WDR27: variants seen among roughly 807,000 people sequenced by gnomAD.
WDR27 encodes the protein WD repeat domain 27.
WDR27 carries 100 observed loss-of-function variants against 114.4 expected under a neutral mutation model. The observed-to-expected ratio is 0.87, with a 90% CI of 0.74 to 1.03. The LOEUF (loss-of-function observed/expected upper bound fraction) is 1.03. Ranked by LOEUF, WDR27 falls within the 50% of genes least tolerant of loss-of-function variation. The pLI is 0.00. For synonymous variants in WDR27, 449 were observed against 423.1 expected, an observed-to-expected ratio of 1.06 and a Z score of -0.75; for missense variants, 1,129 against 1,092.9, an observed-to-expected ratio of 1.03 and a Z score of -0.47.
At chr6:169,618,206 A>G (rs1398956551) in intron 21 of WDR27, among the ~76,000 whole-genome samples, 1 of 152,226 alleles carries the variant, frequency 6.6e-6, no homozygotes, top group Admixed American at 6.5e-5. Context: ...ATCTAGAATC[A>G]TATGTAATAA....
intron 25 of WDR27, among the ~76,000 whole-genome samples, chr6:169,541,505 G>A (rs1584085245): frequency 1.3e-5 from 2 of 152,234 alleles, no homozygotes; most frequent in Admixed American, 6.5e-5. Context: ...AACGTGTGCT[G>A]AGAATTGCAG....
At chr6:169,655,341 CAGA>C (rs1429658429) in intron 13 of WDR27, among the ~76,000 whole-genome samples, 1 of 152,252 alleles carries the variant, frequency 6.6e-6, no homozygotes, top group Non-Finnish European at 1.5e-5. Context: ...GCTGCCCGCA[CAGA>C]AGATCAGGGC....
Position 169,659,428 on chromosome 6 carries a change from G to T in WDR27, c.1197+23C>A, listed in dbSNP as rs1825313623. The T allele has an allele frequency of 6.2e-7, 1 of 1,603,262 alleles. No homozygotes were observed. Among genetic ancestry groups the T allele is most frequent in the African/African-American group, 1.3e-5 (1 of 74,748 alleles). The stretch of plus-strand genomic sequence containing the variant: ...ATCAGAGGCACGTCTCATAGACAGG[G>T]AGGGCCGCGTCTCAGGACTGACCTT... On this transcript the variant is annotated intron_variant, in intron 11 of 25. Transcript: ENST00000448612. This position sits in a 1 kb window ranked among gnomAD's most constrained non-coding sequence, Gnocchi z 4.3.
chr6:169,618,098 G>T lies in WDR27; in HGVS notation c.2224-4442C>A, dbSNP rs373535882. ...AGAAGAAAAGGGAGGGATGTGGGTA[G>T]GGTTTTCTCTGCATCAATAATCATT... On this transcript the variant is annotated intron_variant, in intron 21 of 25. Coordinates refer to ENST00000448612, the MANE Select transcript of WDR27 (RefSeq NM_182552.5). Among the ~76,000 whole-genome samples, 20 of 152,298 alleles carry T rather than the reference G, an allele frequency of 1.3e-4. No individual in the cohort carries two copies. In the South Asian group the frequency reaches 2.5e-3, roughly 19 times the overall value.
chr6:169,650,349 T>C (rs1192406723), intron 14 of WDR27, among the ~76,000 whole-genome samples: 19 of 90,564 alleles, frequency 2.1e-4, no homozygotes, highest in East Asian at 1.1e-3. Flanking sequence ...ATCCCTCATC[T>C]CTGCATCCCT....
chr6:169,523,823 A>G (rs1159368129), intron 25 of WDR27, among the ~76,000 whole-genome samples: 1 of 152,156 alleles, frequency 6.6e-6, no homozygotes, highest in Admixed American at 6.5e-5. Flanking sequence ...TGACAAAACC[A>G]CAGCTAACAC....
intron 25 of WDR27, among the ~76,000 whole-genome samples, chr6:169,542,496 C>T (rs933940944): frequency 6.6e-6 from 1 of 151,994 alleles, no homozygotes; most frequent in East Asian, 1.9e-4. Flanking sequence ...GACAGAAAGG[C>T]TTAGAATTTA....
At chr6:169,564,060 A>C (rs1800069526) in intron 25 of WDR27, among the ~76,000 whole-genome samples, 1 of 152,216 alleles carries the variant, frequency 6.6e-6, no homozygotes, top group South Asian at 2.1e-4. Flanking sequence ...AGCCAGACCA[A>C]GTCCCAAAAC....
At chr6:169,621,577 C>G (rs2128198943) in intron 21 of WDR27, among the ~76,000 whole-genome samples, 1 of 152,070 alleles carries the variant, frequency 6.6e-6, no homozygotes, top group Middle Eastern at 3.4e-3. Flanking sequence ...CATATACATA[C>G]ACATGCACGC....
chr6:169,571,277 A>G (rs73790028), intron 25 of WDR27, among the ~76,000 whole-genome samples: 2,467 of 152,296 alleles, frequency 0.016, 64 homozygotes, highest in African/African-American at 0.057. Context: ...AAAATAAATA[A>G]AAAGATGACT....
At position 169,579,752 on chromosome 6, in the gene WDR27, G is replaced by C. The variant is rs149980892; in HGVS notation, c.2523+3084C>G. ...TATAATTAAGAGTGGGTATAACTATGCTCACCAGCAACCAATGCGTGCTGT... is the reference window on the plus strand; with the variant it reads ...TATAATTAAGAGTGGGTATAACTATCCTCACCAGCAACCAATGCGTGCTGT... On this transcript the variant is annotated intron_variant, in intron 24 of 25. Transcript: ENST00000448612. Among the ~76,000 whole-genome samples, 1,392 of 152,226 alleles carry C rather than the reference G, an allele frequency of 9.1e-3. 33 individuals are homozygous for C. The highest frequency in any genetic ancestry group is 0.033 in the African/African-American group (1,351 of 41,520).
intron 12 of WDR27, among the ~76,000 whole-genome samples, 193 bp from the exon 13 acceptor site, chr6:169,658,551 T>C (rs997617328): frequency 1.3e-5 from 2 of 152,204 alleles, no homozygotes; most frequent in African/African-American, 4.8e-5. Flanking sequence ...ATAAAAGCGC[T>C]GTTTTATAAT....
At chr6:169,431,039 G>A in the WDR27 span, among the ~76,000 whole-genome samples, 1 of 152,156 alleles carries the variant, frequency 6.6e-6, no homozygotes, top group Admixed American at 6.5e-5. Context: ...TGTCACCTAA[G>A]ATCAGTTTTA....
At chr6:169,577,383 G>A (rs1802563180) in intron 24 of WDR27, among the ~76,000 whole-genome samples, 1 of 152,230 alleles carries the variant, frequency 6.6e-6, no homozygotes, top group South Asian at 2.1e-4. Flanking sequence ...CGAACGGGCG[G>A]CCACAGATTC....
At chr6:169,439,015 C>A in the WDR27 span, among the ~76,000 whole-genome samples, 1 of 151,996 alleles carries the variant, frequency 6.6e-6, no homozygotes, top group African/African-American at 2.4e-5. Flanking sequence ...TTTTTAACAT[C>A]TTTAACAAAC....
intron 2 of WDR27, among the ~76,000 whole-genome samples, chr6:169,686,903 T>A (rs561110756): frequency 1.2e-4 from 18 of 152,088 alleles, no homozygotes; most frequent in Non-Finnish European, 2.6e-4. Flanking sequence ...AAGACAAATA[T>A]CACATGTTCT....
chr6:169,619,767 C>G (rs980773205), intron 21 of WDR27, among the ~76,000 whole-genome samples: 3 of 152,168 alleles, frequency 2.0e-5, no homozygotes, highest in Non-Finnish European at 4.4e-5. Context: ...TTGGAGACAA[C>G]AGGTGACAAA....
intron 25 of WDR27, among the ~76,000 whole-genome samples, chr6:169,520,788 G>A (rs944000575): frequency 2.6e-5 from 4 of 151,868 alleles, no homozygotes; most frequent in Non-Finnish European, 4.4e-5. Flanking sequence ...ATCAAGCAGA[G>A]GAAAGAATCA....
At chr6:169,518,785 C>T (rs1793997937) in intron 25 of WDR27, among the ~76,000 whole-genome samples, 3 of 152,196 alleles carry the variant, frequency 2.0e-5, no homozygotes, top group Admixed American at 2.0e-4. Flanking sequence ...CTTTCTCTGC[C>T]ACATGGCCAG....
Sources: gnomAD v4.1 joint callset for allele counts (sites outside exome capture counted in the v4.1 genomes callset) on GRCh38, gnomAD v4.1.1 for gene constraint, Gnocchi (gnomAD v3.1) non-coding constraint, MANE v1.5 for transcripts, NCBI Gene and HGNC (gene_info 2026-07-23, HGNC 2026-07-21) for gene names.